Variants in ERFL observed in about 807,000 individuals in gnomAD.
ERFL encodes the protein ETS domain-containing transcription factor ERF-like.
A neutral mutation model predicts 27.9 loss-of-function variants in ERFL; 8 were observed. The ratio of observed to expected loss-of-function variants is 0.29; its 90% CI spans 0.17 to 0.52. The LOEUF (loss-of-function observed/expected upper bound fraction) is 0.52, where lower values mean the gene tolerates loss of function less well. Ranked by LOEUF, ERFL falls within the 20% of genes least tolerant of loss-of-function variation. The pLI is 0.97. For synonymous variants in ERFL, 174 were observed against 202.8 expected (o/e 0.86, Z 1.21); for missense variants, 294 against 444.4 (o/e 0.66, Z 3.04).
At chr19:41,923,465 G>A (rs990532225) in intron 1 of ERFL, among the ~76,000 whole-genome samples, 3 of 151,096 alleles carry the variant, frequency 2.0e-5, no homozygotes, top group Non-Finnish European at 4.4e-5. Context: ...CAGACAGACA[G>A]AGACAAAAAG....
chr19:41,927,090 G>T (rs2074876189), intron 1 of ERFL, among the ~76,000 whole-genome samples: 1 of 152,084 alleles, frequency 6.6e-6, no homozygotes, highest in Admixed American at 6.5e-5. Context: ...AGAGAGAGAT[G>T]CTGTGAGAGA....
In ERFL at chr19:41,909,957, A is replaced by G; in HGVS notation, c.208T>C (p.Phe70Leu). The change falls in exon 3 of 6, where the codon TTC (phenylalanine) becomes CTC (leucine). Residue 70 changes from phenylalanine (F) to leucine (L), a missense_variant. This residue lies in a region of ERFL where 246 missense variants were observed against 371.4 expected (regional missense o/e 0.66). Transcript: ENST00000597630. This position sits in a 1 kb window ranked among gnomAD's most constrained non-coding sequence, Gnocchi z 5.2. ...ACCTCATCGGGGTCTTTGATGACGA[A>G]TTCCCCGTAGTCCCCCTGCCAGGCT... ...VIAWQGDYGE[F>L]VIKDPDEVAR... 6.2e-7 allele frequency: 1 copy of G among 1,613,878 alleles called. No homozygotes were observed. The highest frequency in any genetic ancestry group is 8.5e-7 in the Non-Finnish European group (1 of 1,179,944).
rs2074744365 is a variant in ERFL at position 41,910,205 on chromosome 19, AG to A, written c.68-109del. ...AGGCATGTAGTTCTCCTCCAGTCTC[AG>A]GCATCTTTAGGGACCTGGTTTCCAC... On this transcript the variant is annotated intron_variant, in intron 2 of 5. Coordinates refer to ENST00000597630, the MANE Select transcript of ERFL (RefSeq NM_001365103.2). The surrounding 1 kb of genome is among the most constrained non-coding windows in gnomAD (Gnocchi z 4.4). The A allele has an allele frequency of 9.5e-7, 1 of 1,056,014 alleles. No individual in the cohort carries two copies. Among genetic ancestry groups the A allele is most frequent in the Non-Finnish European group, 1.4e-6 (1 of 736,716 alleles). The allele number at this position is 1,056,014 out of a possible 1,614,324, so 65.4% of individuals were successfully genotyped here.
In ERFL at chr19:41,926,765, C is replaced by G. The variant is rs1324711294; in HGVS notation, c.-14+1275G>C. On this transcript the variant is annotated intron_variant, in intron 1 of 5. Coordinates refer to ENST00000597630, the MANE Select transcript of ERFL (RefSeq NM_001365103.2). Reference sequence around the variant, plus strand: ...TTAGCCGTGATAGATCCGCGCGCCGCTTGTCTCTTAATCTCCAGAGCGACC... The same window carrying G: ...TTAGCCGTGATAGATCCGCGCGCCGGTTGTCTCTTAATCTCCAGAGCGACC... Among the ~76,000 whole-genome samples the G allele has an allele frequency of 2.0e-5, 3 of 152,202 alleles. No homozygotes were observed. The South Asian group carries it at 6.2e-4, about 31-fold the overall frequency.
In ERFL at chr19:41,910,699, C is replaced by T. The variant is rs1599671315; in HGVS notation, c.68-602G>A. Among the ~76,000 whole-genome samples the T allele has an allele frequency of 1.3e-5, 2 of 152,308 alleles. No homozygotes were observed. Among genetic ancestry groups the T allele is most frequent in the South Asian group, 4.1e-4 (2 of 4,826 alleles). ...CCCCATATCCATGCCCATGTCCGTC[C>T]AAGAGCAGTCCAGAACGATGTGTGT... On this transcript the variant is annotated intron_variant, in intron 2 of 5. Transcript: ENST00000597630. This position sits in a 1 kb window ranked among gnomAD's most constrained non-coding sequence, Gnocchi z 4.4.
At chr19:41,922,366 G>C (rs1372418303) in intron 1 of ERFL, among the ~76,000 whole-genome samples, 1 of 152,206 alleles carries the variant, frequency 6.6e-6, no homozygotes, top group African/African-American at 2.4e-5. Flanking sequence ...GGAGGGCAAA[G>C]AGACAGGGTC....
Position 41,910,789 on chromosome 19 carries a change from GAC to G in ERFL, c.68-694_68-693del, listed in dbSNP as rs1293916556. On this transcript the variant is annotated intron_variant, in intron 2 of 5. Coordinates refer to ENST00000597630, the MANE Select transcript of ERFL (RefSeq NM_001365103.2). The surrounding 1 kb of genome is among the most constrained non-coding windows in gnomAD (Gnocchi z 4.4). Reference sequence around the variant, plus strand: ...CACAGACATCAGTTCACTTGCCTGAGACACACAGCCACACTGGGACACAGGCA... The same window carrying G: ...CACAGACATCAGTTCACTTGCCTGAGACACAGCCACACTGGGACACAGGCA... Among the ~76,000 whole-genome samples the G allele has an allele frequency of 1.6e-4, 25 of 152,250 alleles. 1 individual carries two copies. The highest frequency in any genetic ancestry group is 5.5e-4 in the African/African-American group (23 of 41,526).
chr19:41,912,458 C>T (rs1183315137), intron 2 of ERFL, among the ~76,000 whole-genome samples: 1 of 152,208 alleles, frequency 6.6e-6, no homozygotes, highest in Admixed American at 6.5e-5. Context: ...TGGGCAGTGC[C>T]GTCTGTCTAC....
At position 41,908,388 on chromosome 19, in the gene ERFL, G is replaced by T; in HGVS notation, c.905C>A (p.Pro302Gln). Residue 302 changes from proline (P) to glutamine (Q), a missense_variant, in exon 6 of 6, where the codon CCA (proline) becomes CAA (glutamine). By Grantham distance (76) the Pro-to-Gln change is moderately conservative (BLOSUM62 -1). Around this residue, in one of 3 missense-constraint regions of ERFL, gnomAD observed 246 missense variants for 371.4 expected, o/e 0.66. Coordinates refer to ENST00000597630, the MANE Select transcript of ERFL (RefSeq NM_001365103.2). This position sits in a 1 kb window ranked among gnomAD's most constrained non-coding sequence, Gnocchi z 6.7. ...GGCAGCCTCTGGACCCCCAGCCCCT[G>T]GCAGCGCCAGGCGAGGGGCCGCTGC... The part of the protein sequence containing the change: ...GLAAAPRLAL[P>Q]GAGGPEAALG... 1 of 1,231,250 alleles carries T rather than the reference G, an allele frequency of 8.1e-7. No homozygotes were observed. Among genetic ancestry groups the T allele is most frequent in the African/African-American group, 1.6e-5 (1 of 64,470 alleles). The allele number at this position is 1,231,250 out of a possible 1,614,324, so 76.3% of individuals were successfully genotyped here.
intron 1 of ERFL, among the ~76,000 whole-genome samples, chr19:41,925,259 CAGGGGGTTACTGGT>C (rs1445615149): frequency 6.6e-6 from 1 of 151,854 alleles, no homozygotes; most frequent in Non-Finnish European, 1.5e-5. Flanking sequence ...ATGGCAGGTG[CAGGGGGTTACTGGT>C]GTGACCTTGT....
At chr19:41,919,454 ACT>A (rs2145901919) in intron 1 of ERFL, among the ~76,000 whole-genome samples, 1 of 151,828 alleles carries the variant, frequency 6.6e-6, no homozygotes, top group Non-Finnish European at 1.5e-5. Flanking sequence ...ATGAACCAAC[ACT>A]CAAGCTGGTA....
chr19:41,912,973 G>T, intron 1 of ERFL, 41 bp from the exon 2 acceptor site: 1 of 966,466 alleles, frequency 1.0e-6, no homozygotes, highest in Non-Finnish European at 1.3e-6. Flanking sequence ...GGGGTGGGCA[G>T]GAGAGACAGA....
chr19:41,926,524 C>T (rs2074871240), intron 1 of ERFL, among the ~76,000 whole-genome samples: 1 of 152,134 alleles, frequency 6.6e-6, no homozygotes, highest in Non-Finnish European at 1.5e-5. Flanking sequence ...CGATTTCTCT[C>T]GCTCCCCTGT....
At position 41,909,226 on chromosome 19, in the gene ERFL, A is replaced by C; in HGVS notation, c.499-49T>G. 8.1e-7 allele frequency: 1 copy of C among 1,231,002 alleles called. No individual in the cohort carries two copies. The allele number at this position is 1,231,002 out of a possible 1,614,324, so 76.3% of individuals were successfully genotyped here. On this transcript the variant is annotated intron_variant, in intron 4 of 5. Coordinates refer to ENST00000597630, the MANE Select transcript of ERFL (RefSeq NM_001365103.2). This position sits in a 1 kb window ranked among gnomAD's most constrained non-coding sequence, Gnocchi z 5.2. ...GCCCTTCTCAGACTGTCCCCTCCCC[A>C]GAGTGGGCACCAAGTGCCTCGGTTC...
chr19:41,917,190 C>G lies in ERFL; in HGVS notation c.-13-4258G>C, dbSNP rs945515575. 6.6e-6 allele frequency among the ~76,000 whole-genome samples: 1 copy of G among 152,106 alleles called. No individual in the cohort carries two copies. Among genetic ancestry groups the G allele is most frequent in the Non-Finnish European group, 1.5e-5 (1 of 68,020 alleles). ...TCTCTGTCAGAGAGGGTCTTTTCTG[C>G]TCATCTTGGCCTGCCTGTCTTTCTA... On this transcript the variant is annotated intron_variant, in intron 1 of 5. Transcript: ENST00000597630. The surrounding 1 kb of genome is among the most constrained non-coding windows in gnomAD (Gnocchi z 4.8).
Position 41,917,795 on chromosome 19 carries a change from GCA to G in ERFL, c.-13-4865_-13-4864del, listed in dbSNP as rs1429913103. Among the ~76,000 whole-genome samples, 1 of 151,740 alleles carries G rather than the reference GCA, an allele frequency of 6.6e-6. No homozygotes were observed. The highest frequency in any genetic ancestry group is 1.5e-5 in the Non-Finnish European group (1 of 67,950). ...GACCCACAGTGACACCCACTAGTAG[GCA>G]CACACACACCATGCACAGCCCCAGC... is the stretch of plus-strand genomic sequence containing the variant. On this transcript the variant is annotated intron_variant, in intron 1 of 5. Coordinates refer to ENST00000597630, the MANE Select transcript of ERFL (RefSeq NM_001365103.2). The surrounding 1 kb of genome is among the most constrained non-coding windows in gnomAD (Gnocchi z 4.8).
intron 2 of ERFL, among the ~76,000 whole-genome samples, chr19:41,912,434 C>T (rs2074758428): frequency 6.6e-6 from 1 of 152,220 alleles, no homozygotes; most frequent in African/African-American, 2.4e-5. Flanking sequence ...GTCGTGCCTG[C>T]ACGTACCCCT....
intron 1 of ERFL, among the ~76,000 whole-genome samples, chr19:41,918,036 G>C (rs2074812521): frequency 6.6e-6 from 1 of 151,894 alleles, no homozygotes; most frequent in African/African-American, 2.4e-5. Context: ...CCCTGTGCCT[G>C]TCTTGGAGAG....
chr19:41,911,305 C>T lies in ERFL; in HGVS notation c.68-1208G>A, dbSNP rs142056461. 1.3e-3 allele frequency among the ~76,000 whole-genome samples: 202 copies of T among 152,320 alleles called. 5 individuals are homozygous for T. The East Asian group carries it at 0.035, about 26-fold the overall frequency. On this transcript the variant is annotated intron_variant, in intron 2 of 5. Transcript: ENST00000597630. Reference sequence around the variant, plus strand: ...TTCACTCTTATGCCACATCCTCTGTCCCCTTCCCCCTCCTCAGAGACCCCA... The same window carrying T: ...TTCACTCTTATGCCACATCCTCTGTTCCCTTCCCCCTCCTCAGAGACCCCA...
Sources: gnomAD v4.1 joint callset for allele counts (sites outside exome capture counted in the v4.1 genomes callset) on GRCh38, gnomAD v4.1.1 for gene constraint, gnomAD v4.1.1 regional missense constraint, Gnocchi (gnomAD v3.1) non-coding constraint, MANE v1.5 for transcripts, NCBI Gene and HGNC (gene_info 2026-07-23, HGNC 2026-07-21) for gene names.